The following ABLIM1 variants were observed in gnomAD, a reference collection of about 807,000 sequenced individuals.
The protein encoded by ABLIM1 is actin binding LIM protein 1.
Under a neutral mutation model 107.0 loss-of-function variants are expected in ABLIM1, and 40 were observed. The ratio of observed to expected loss-of-function variants is 0.37; its 90% confidence interval spans 0.29 to 0.49. The LOEUF is 0.49. ABLIM1 is among the 20% of genes least tolerant of loss of function. The probability of loss-of-function intolerance (pLI) is 0.97; values close to 1 mark genes in which losing one functional copy is unlikely to be tolerated. For synonymous variants in ABLIM1, 357 were observed against 357.3 expected, an observed-to-expected ratio of 1.00 and a Z score of 0.01; for missense variants, 857 against 1,008.5, an observed-to-expected ratio of 0.85 and a Z score of 2.04.
At chr10:114,545,120 G>A (rs746466130) in intron 5 of ABLIM1, 22 bp from the exon 6 acceptor site, 59 of 1,611,382 alleles carry the variant, frequency 3.7e-5, no homozygotes, top group Non-Finnish European at 4.6e-5. Context: ...AAACGTGTTC[G>A]GCTCCTGAGG....
intron 1 of ABLIM1, among the ~76,000 whole-genome samples, chr10:114,654,229 C>T (rs2141135300): frequency 6.6e-6 from 1 of 152,330 alleles, no homozygotes; most frequent in African/African-American, 2.4e-5. Flanking sequence ...ATCTATAGTT[C>T]TGGGCCTCTA....
chr10:114,606,747 G>A (rs2076442645), intron 1 of ABLIM1, among the ~76,000 whole-genome samples: 2 of 152,276 alleles, frequency 1.3e-5, no homozygotes, highest in South Asian at 4.1e-4. Context: ...TCTCAGGTAG[G>A]AAGAGCAGGT....
chr10:114,649,265 G>T (rs2079137193), intron 1 of ABLIM1, among the ~76,000 whole-genome samples: 1 of 152,006 alleles, frequency 6.6e-6, no homozygotes, highest in East Asian at 1.9e-4. Context: ...GCCAGGCATG[G>T]TGGTGCATGC....
At chr10:114,610,262 G>A (rs17092147) in intron 1 of ABLIM1, among the ~76,000 whole-genome samples, 1 of 152,174 alleles carries the variant, frequency 6.6e-6, no homozygotes. Context: ...CACACCATTG[G>A]GAGGACCCTC....
At chr10:114,479,815 T>A (rs2057069021) in intron 8 of ABLIM1, among the ~76,000 whole-genome samples, 1 of 152,260 alleles carries the variant, frequency 6.6e-6, no homozygotes, top group South Asian at 2.1e-4. Context: ...ATTTTACATT[T>A]CAATTTGAAA....
At chr10:114,578,609 T>C (rs1205691740) in intron 2 of ABLIM1, among the ~76,000 whole-genome samples, 2 of 151,734 alleles carry the variant, frequency 1.3e-5, no homozygotes, top group East Asian at 2.0e-4. Flanking sequence ...TTTCACCATG[T>C]TGGTGAGGCT....
chr10:114,516,355 C>T (rs139525673), intron 6 of ABLIM1, among the ~76,000 whole-genome samples: 147 of 152,236 alleles, frequency 9.7e-4, no homozygotes, highest in African/African-American at 3.0e-3. Context: ...AAAACCCTGT[C>T]TCTACTAAAA....
rs757811100 is a variant in ABLIM1 at position 114,439,170 on chromosome 10, A to G, written c.2142+6T>C. ...ATATGAGAGGAAAAAGAACAGCTGC[A>G]CTTGCCTTTGGTTCCAACATGTTGG... On this transcript the variant is annotated splice_donor_region_variant and intron_variant, in intron 21 of 22. Transcript: ENST00000533213. 3.1e-6 allele frequency: 5 copies of G among 1,614,114 alleles called. No individual in the cohort carries two copies. In the South Asian group the frequency reaches 4.4e-5, roughly 14 times the overall value.
chr10:114,581,236 T>C (rs572196291), intron 2 of ABLIM1, among the ~76,000 whole-genome samples: 12 of 152,278 alleles, frequency 7.9e-5, no homozygotes, highest in Non-Finnish European at 1.2e-4. Flanking sequence ...AAAAATACCA[T>C]GGAACAGGAG....
intron 6 of ABLIM1, among the ~76,000 whole-genome samples, chr10:114,504,326 A>C (rs2060835484): frequency 6.6e-6 from 1 of 152,172 alleles, no homozygotes; most frequent in Non-Finnish European, 1.5e-5. Context: ...AAAAGTCTCC[A>C]AAGTTACAGA....
At chr10:114,485,339 G>A (rs781740748) in intron 8 of ABLIM1, 12 of 1,613,098 alleles carry the variant, frequency 7.4e-6, no homozygotes, top group East Asian at 2.2e-5. Flanking sequence ...TCAGACTTTT[G>A]GAATAAAAGA....
At chr10:114,495,577 G>T (rs543917904) in intron 6 of ABLIM1, among the ~76,000 whole-genome samples, 11 of 152,158 alleles carry the variant, frequency 7.2e-5, no homozygotes, top group African/African-American at 2.4e-4. Flanking sequence ...GATGATGATG[G>T]TAATGATGAT....
intron 12 of ABLIM1, among the ~76,000 whole-genome samples, chr10:114,456,577 A>AG (rs1413823508): frequency 6.6e-6 from 1 of 152,194 alleles, no homozygotes; most frequent in Non-Finnish European, 1.5e-5. Context: ...AAGTTCTCGT[A>AG]GGTTTTGGTT....
rs902518328 is a variant in ABLIM1, at chr10:114,749,106, C to T, written c.-213+18955G>A. On this transcript the variant is annotated intron_variant, in intron 1 of 15. Coordinates refer to the ABLIM1 transcript ENST00000651092. ...TCTATATACCATTCCAAAATTCATG[C>T]GTATACTGAAAACATAATGATTTAT... is the stretch of plus-strand genomic sequence containing the variant. 3.3e-5 allele frequency among the ~76,000 whole-genome samples: 5 copies of T among 152,114 alleles called. 1 individual carries two copies. The highest frequency in any genetic ancestry group is 7.2e-5 in the African/African-American group (3 of 41,434).
intron 13 of ABLIM1, among the ~76,000 whole-genome samples, chr10:114,452,804 A>G (rs937246991): frequency 1.3e-5 from 2 of 152,216 alleles, no homozygotes; most frequent in Non-Finnish European, 2.9e-5. Context: ...TGACTACTAG[A>G]GCAAAGCTTG....
At chr10:114,764,843 C>A (rs2082847163) in intron 1 of ABLIM1, 1 of 152,198 alleles carries the variant, frequency 6.6e-6, no homozygotes, top group African/African-American at 2.4e-5. Flanking sequence ...ATGTCCTGCG[C>A]AGGCCATGGG....
At chr10:114,545,971 C>T (rs1368963969) in intron 5 of ABLIM1, among the ~76,000 whole-genome samples, 2 of 151,056 alleles carry the variant, frequency 1.3e-5, no homozygotes, top group South Asian at 2.1e-4. Context: ...ACACTGAGCC[C>T]GTCAGATGTG....
the ABLIM1 span, among the ~76,000 whole-genome samples, chr10:114,782,703 G>A: frequency 3.9e-5 from 6 of 152,236 alleles, no homozygotes; most frequent in South Asian, 4.1e-4. Flanking sequence ...GAATGGATTC[G>A]AGGGGAAGAA....
chr10:114,743,989 G>C (rs1434760061), intron 1 of ABLIM1, among the ~76,000 whole-genome samples: 1 of 152,202 alleles, frequency 6.6e-6, no homozygotes, highest in Non-Finnish European at 1.5e-5. Context: ...TCTCATTTCT[G>C]TATGAACCAC....
Sources: allele counts gnomAD v4.1 joint callset (sites outside exome capture counted in the v4.1 genomes callset), GRCh38; gene constraint gnomAD v4.1.1; transcripts MANE v1.5; gene names NCBI Gene and HGNC (gene_info 2026-07-23, HGNC 2026-07-21).